APTX: variants seen among roughly 807,000 people sequenced by gnomAD.
APTX encodes the protein aprataxin.
APTX carries 33 observed loss-of-function variants against 42.3 expected under a neutral mutation model. The observed-to-expected ratio is 0.78, with a 90% confidence interval of 0.59 to 1.04. The LOEUF is 1.04. Ranked by LOEUF, APTX falls within the 50% of genes least tolerant of loss-of-function variation. The pLI is 0.00. For synonymous variants in APTX, 130 were observed against 146.7 expected (o/e 0.89, Z 0.82); for missense variants, 421 against 415.1 (o/e 1.01, Z -0.12).
chr9:33,014,401 A>C (rs1390971725), intron 1 of APTX, among the ~76,000 whole-genome samples: 1 of 152,286 alleles, frequency 6.6e-6, no homozygotes, highest in African/African-American at 2.4e-5. Context: ...TAGGTGGTAG[A>C]AAATGGCAGT....
chr9:33,001,665 G>A (rs771760740), upstream of APTX: 1 of 1,603,202 alleles, frequency 6.2e-7, no homozygotes, highest in Non-Finnish European at 8.5e-7. Flanking sequence ...ATCGCGACCA[G>A]TGACGTCACC....
At chr9:33,001,493 A>AGC in intron 1 of APTX, 74 bp downstream of exon 1, 1 of 1,608,290 alleles carries the variant, frequency 6.2e-7, no homozygotes, top group Non-Finnish European at 8.5e-7. Context: ...CAAGGGTAGG[A>AGC]GCAGCCTCGG....
Position 32,990,098 on chromosome 9 carries a change from T to A in APTX, c.-4-203A>T. On this transcript the variant is annotated intron_variant, in intron 1 of 7. Transcript: ENST00000379817. ...AGGCTGTTGTGAAAATTAAATGAGA[T>A]AATGTGAGTAAGTATTTACCTCCCT... 3 of 627,498 alleles carry A rather than the reference T, an allele frequency of 4.8e-6. No individual in the cohort carries two copies. In the East Asian group the frequency reaches 8.3e-5, roughly 17 times the overall value. 38.9% of individuals were successfully genotyped at this position (627,498 alleles called of 1,614,324 possible).
At chr9:33,010,186 T>C (rs139165128) in intron 1 of APTX, among the ~76,000 whole-genome samples, 24 of 152,298 alleles carry the variant, frequency 1.6e-4, no homozygotes, top group African/African-American at 5.8e-4. Flanking sequence ...CAGGAGGGCC[T>C]GGGCTCTTGG....
At chr9:33,018,149 C>CA (rs897527807) in intron 1 of APTX, among the ~76,000 whole-genome samples, 5 of 149,688 alleles carry the variant, frequency 3.3e-5, no homozygotes, top group African/African-American at 7.3e-5. Flanking sequence ...CTCACTCTGT[C>CA]ACCCAGGCTG....
intron 1 of APTX, among the ~76,000 whole-genome samples, chr9:33,000,848 T>TTTTC (rs1836226624): frequency 1.4e-5 from 2 of 139,682 alleles, no homozygotes; most frequent in Non-Finnish European, 3.1e-5. Context: ...TTTTTTTCTT[T>TTTTC]TTTTTTTTTT....
At chr9:32,993,698 C>A (rs576185277) in intron 1 of APTX, among the ~76,000 whole-genome samples, 82 of 150,044 alleles carry the variant, frequency 5.5e-4, no homozygotes, top group Non-Finnish European at 1.1e-3. Context: ...AATCCCAATT[C>A]TCTATTTTTC....
rs1563961565 is a variant in APTX, at chr9:32,984,908, GTGTGCCTGGT to G, written c.544-61_544-52del. 8 of 1,507,886 alleles carry G rather than the reference GTGTGCCTGGT, an allele frequency of 5.3e-6. No homozygotes were observed. The South Asian group carries it at 9.0e-5, about 17-fold the overall frequency. The allele number at this position is 1,507,886 out of a possible 1,614,324, so 93.4% of individuals were successfully genotyped here. On this transcript the variant is annotated intron_variant, in intron 5 of 7. Transcript: ENST00000379817. ...AACAGACATCTACTAAGAATCTTCT[GTGTGCCTGGT>G]TGTTATATTCACTAAGTCACTTAAT...
At chr9:32,982,450 T>C (rs1016673) in intron 6 of APTX, among the ~76,000 whole-genome samples, 96,533 of 152,120 alleles carry the variant, frequency 0.63, 30,956 homozygotes, top group East Asian at 0.85. Flanking sequence ...TATCTACAGT[T>C]AGTATTATGA....
At chr9:32,994,471 C>T (rs1282784425) in intron 1 of APTX, among the ~76,000 whole-genome samples, 1 of 152,200 alleles carries the variant, frequency 6.6e-6, no homozygotes, top group Non-Finnish European at 1.5e-5. Flanking sequence ...TCTCTCTCCT[C>T]TCTTCCCCAA....
chr9:32,973,711 CAAAA>C (rs34659850), intron 7 of APTX, 59 bp from the exon 8 acceptor site: 1,166 of 1,325,978 alleles, frequency 8.8e-4, no homozygotes, highest in Non-Finnish European at 9.9e-4. Flanking sequence ...TATGAGATAC[CAAAA>C]AAAAAAAAAA....
chr9:33,001,577 CG>C lies in APTX; in HGVS notation c.-16del. ...TGACGACCGCCTTACCTCCAGAAGT[CG>C]GAGACGGACAAATTCACGTTACTCA... On this transcript the variant is annotated 5_prime_UTR_variant, in exon 1 of 8. Transcript: ENST00000379817. 6.2e-7 allele frequency: 1 copy of C among 1,613,934 alleles called. No homozygotes were observed. The highest frequency in any genetic ancestry group is 8.5e-7 in the Non-Finnish European group (1 of 1,180,028).
At chr9:32,981,203 T>C (rs1432819933) in intron 6 of APTX, among the ~76,000 whole-genome samples, 2 of 152,236 alleles carry the variant, frequency 1.3e-5, no homozygotes, top group Non-Finnish European at 2.9e-5. Context: ...TTAGGAATCC[T>C]GTAACTATTT....
intron 1 of APTX, among the ~76,000 whole-genome samples, chr9:32,994,668 C>A (rs1834402090): frequency 6.6e-6 from 1 of 152,308 alleles, no homozygotes; most frequent in Non-Finnish European, 1.5e-5. Context: ...CACAATATTT[C>A]AAACTTTTTC....
In APTX at chr9:33,021,508, T is replaced by C. The variant is rs772289016; in HGVS notation, c.-5+3515A>G. Reference sequence around the variant, plus strand: ...AATGAAGGGAAGTAGTACCATGTATTTCAGTGGAAATTAAGTATACATTAA... The same window carrying C: ...AATGAAGGGAAGTAGTACCATGTATCTCAGTGGAAATTAAGTATACATTAA... On this transcript the variant is annotated intron_variant, in intron 1 of 6. Transcript: ENST00000436040. Among the ~76,000 whole-genome samples, 12 of 152,102 alleles carry C rather than the reference T, an allele frequency of 7.9e-5. No homozygotes were observed. The South Asian group carries it at 8.3e-4, about 11-fold the overall frequency.
chr9:32,974,651 C>A, intron 6 of APTX, 90 bp from the exon 7 acceptor site: 1 of 749,076 alleles, frequency 1.3e-6, no homozygotes, highest in East Asian at 2.5e-5. Context: ...ATTGTATATT[C>A]ATACTATTGA....
At chr9:32,988,588 G>A (rs1832750685) in intron 2 of APTX, among the ~76,000 whole-genome samples, 1 of 151,226 alleles carries the variant, frequency 6.6e-6, no homozygotes, top group Non-Finnish European at 1.5e-5. Flanking sequence ...ACTGAGGTGG[G>A]AGAATCACTT....
At chr9:32,978,670 A>G (rs916647401) in intron 6 of APTX, among the ~76,000 whole-genome samples, 1 of 152,218 alleles carries the variant, frequency 6.6e-6, no homozygotes, top group Non-Finnish European at 1.5e-5. Flanking sequence ...TTTCTGATAA[A>G]TAATAGACAG....
rs538435961 is a variant in APTX at position 33,016,881 on chromosome 9, T to C, written c.-5+8142A>G. The stretch of plus-strand genomic sequence containing the variant: ...GGAACCATCTCCGCTTTTTCACAAC[T>C]ATATGCCCAGTACCTGGCACAAATT... On this transcript the variant is annotated intron_variant, in intron 1 of 6. Coordinates refer to the APTX transcript ENST00000436040. Among the ~76,000 whole-genome samples the C allele has an allele frequency of 2.0e-5, 3 of 152,290 alleles. No individual in the cohort carries two copies. The South Asian group carries it at 6.2e-4, about 32-fold the overall frequency.
Sources: allele counts gnomAD v4.1 joint callset (sites outside exome capture counted in the v4.1 genomes callset), GRCh38; gene constraint gnomAD v4.1.1; transcripts MANE v1.5; gene names NCBI Gene and HGNC (gene_info 2026-07-23, HGNC 2026-07-21).